Variants in NLRP5 observed in about 807,000 individuals in gnomAD.
NLRP5 encodes NLR family pyrin domain containing 5.
In NLRP5, 93 loss-of-function variants were observed where a neutral mutation model predicts 113.1. The observed-to-expected ratio is 0.82, with a 90% CI of 0.70 to 0.98. The LOEUF (loss-of-function observed/expected upper bound fraction) is 0.98, where lower values mean the gene tolerates loss of function less well. NLRP5 is among the 50% of genes least tolerant of loss of function. The pLI, the probability that NLRP5 is intolerant of heterozygous loss-of-function variation, is 0.00. For synonymous variants in NLRP5, 751 were observed against 600.7 expected (o/e 1.25, Z -3.66); for missense variants, 1,808 against 1,514.3 (o/e 1.19, Z -3.22).
intron 3 of NLRP5, 62 bp downstream of exon 3, chr19:56,008,915 A>C (rs1383820424): frequency 7.1e-7 from 1 of 1,400,318 alleles, no homozygotes; most frequent in Non-Finnish European, 1.0e-6. Flanking sequence ...GCCAGTTTGC[A>C]TCTCTAGGCA....
At position 56,053,635 on chromosome 19, in the gene NLRP5, CA is replaced by C; in HGVS notation, c.3129-2del. ...GACTCTCTCTATTCCCCGCCTCTTG[CA>C]GGTTGGTAAAGTGTCATCTCACCGC... On this transcript the variant is annotated splice_acceptor_variant, in intron 12 of 14. Transcript: ENST00000390649. LOFTEE classifies it high-confidence loss of function. The C allele has an allele frequency of 6.2e-7, 1 of 1,611,698 alleles. No homozygotes were observed. Among genetic ancestry groups the C allele is most frequent in the Non-Finnish European group, 8.5e-7 (1 of 1,178,468 alleles).
Position 56,028,270 on chromosome 19 carries a change from C to T in NLRP5, c.2037C>T (p.Thr679=). The T allele has an allele frequency of 6.2e-7, 1 of 1,613,992 alleles. No homozygotes were observed. The highest frequency in any genetic ancestry group is 1.1e-5 in the South Asian group (1 of 91,082). The change falls in exon 7 of 15, where the codon ACC becomes ACT. Residue 679 remains threonine (T), a synonymous_variant. Transcript: ENST00000390649. ...TGTTGGGTCAGCAGCCTAATGCCAC[C>T]ACCCCAGGAGACACCCTGGACGCCT...
At chr19:55,998,694 ATATATATATG>A (rs1568478206), upstream of NLRP5, among the ~76,000 whole-genome samples, 2 of 58,050 alleles carry the variant, frequency 3.4e-5, no homozygotes, top group Admixed American at 1.9e-4. Flanking sequence ...ATATATATAT[ATATATATATG>A]TGTGTGTGTG....
chr19:56,042,690 C>T (rs1983566287), intron 11 of NLRP5, among the ~76,000 whole-genome samples: 1 of 152,154 alleles, frequency 6.6e-6, no homozygotes, highest in Admixed American at 6.6e-5. Context: ...TATTTTGGTG[C>T]ACCCATCACT....
At chr19:56,009,160 G>C (rs1156845381) in intron 3 of NLRP5, among the ~76,000 whole-genome samples, 2 of 151,668 alleles carry the variant, frequency 1.3e-5, no homozygotes, top group East Asian at 3.9e-4. Flanking sequence ...CCAACATGGT[G>C]AAACGTCGTC....
intron 3 of NLRP5, 121 bp downstream of exon 3, chr19:56,008,974 C>T: frequency 2.5e-6 from 2 of 815,772 alleles, no homozygotes; most frequent in East Asian, 5.3e-5. Context: ...GTCTAACTAC[C>T]CTACATTAGC....
Position 56,028,298 on chromosome 19 carries a change from C to T in NLRP5, c.2065C>T (p.His689Tyr). The change falls in exon 7 of 15, where the codon CAC (histidine) becomes TAC (tyrosine). Residue 689 changes from histidine (H) to tyrosine (Y), a missense_variant. By Grantham distance (83) the His-to-Tyr change is moderately conservative. Transcript: ENST00000390649. ...CCCAGGAGACACCCTGGACGCCTTC[C>T]ACTGTCTTTTCGAGACTCAAGACAA... 2 of 1,613,994 alleles carry T rather than the reference C, an allele frequency of 1.2e-6. No homozygotes were observed. The highest frequency in any genetic ancestry group is 1.7e-6 in the Non-Finnish European group (2 of 1,179,886).
intron 7 of NLRP5, 133 bp from the exon 8 acceptor site, chr19:56,032,478 A>G (rs2163828): frequency 1.5e-6 from 1 of 646,862 alleles, no homozygotes; most frequent in African/African-American, 1.8e-5. Flanking sequence ...GGCAGCCGCT[A>G]AGTTGCCTCA....
At chr19:56,041,536 C>T (rs79202553) in intron 11 of NLRP5, among the ~76,000 whole-genome samples, 11,772 of 152,210 alleles carry the variant, frequency 0.077, 511 homozygotes, top group Non-Finnish European at 0.096. Flanking sequence ...ACATGACCAA[C>T]GGCACCGTGA....
intron 7 of NLRP5, 122 bp downstream of exon 7, chr19:56,028,631 C>A: frequency 1.1e-6 from 1 of 952,064 alleles, no homozygotes; most frequent in Non-Finnish European, 1.6e-6. Flanking sequence ...ATGAATGGCC[C>A]AGATGACGTC....
At position 56,027,920 on chromosome 19, in the gene NLRP5, GCT is replaced by G. The variant is rs772140272; in HGVS notation, c.1690_1691del (p.Leu564ValfsTer13). The stretch of plus-strand genomic sequence containing the variant: ...AGGACTCGGGGAGTCTGAGCTCCGT[GCT>G]CTGTTTCACATGAACATCCTTCTCC... On this transcript the variant is annotated frameshift_variant, in exon 7 of 15. Transcript: ENST00000390649. LOFTEE classifies it high-confidence loss of function. 1 of 1,613,850 alleles carries G rather than the reference GCT, an allele frequency of 6.2e-7. No individual in the cohort carries two copies. The highest frequency in any genetic ancestry group is 1.7e-5 in the Admixed American group (1 of 59,986).
At chr19:56,012,309 C>T (rs1020917658) in intron 3 of NLRP5, among the ~76,000 whole-genome samples, 6 of 152,030 alleles carry the variant, frequency 3.9e-5, no homozygotes, top group South Asian at 4.2e-4. Flanking sequence ...CCACCATGTC[C>T]GGCTAATTTT....
rs373455165 is a variant in NLRP5 at position 56,008,861 on chromosome 19, G to T, written c.508+8G>T. The T allele has an allele frequency of 1.2e-6, 2 of 1,610,502 alleles. No individual in the cohort carries two copies. The highest frequency in any genetic ancestry group is 1.3e-5 in the African/African-American group (1 of 74,998). On this transcript the variant is annotated splice_region_variant and intron_variant, in intron 3 of 14. Transcript: ENST00000390649. ...GCAAGGAAAAAGTGCCAGGTTAGAG[G>T]GGTGGAGTTGGGGGAAATAGGATGT...
rs8109245 is a variant in NLRP5, at chr19:56,057,536, A to G, written c.3300-704A>G. ...TTTTTTTATATCAATGCATATGTCA[A>G]TATGTCCTTCCGCCTTCTCACCTTT... On this transcript the variant is annotated intron_variant, in intron 13 of 14. Coordinates refer to ENST00000390649, the MANE Select transcript of NLRP5 (RefSeq NM_153447.4). Among the ~76,000 whole-genome samples the G allele has an allele frequency of 9.3e-3, 1,421 of 152,064 alleles. 31 individuals carry two copies. The highest frequency in any genetic ancestry group is 0.032 in the African/African-American group (1,345 of 41,494).
upstream of NLRP5, among the ~76,000 whole-genome samples, chr19:55,999,212 CTTTTTTTTT>C (rs906346601): frequency 2.7e-5 from 3 of 111,714 alleles, no homozygotes; most frequent in African/African-American, 1.0e-4. Flanking sequence ...TTTTCTTTTT[CTTTTTTTTT>C]TTTTTTTTTG....
chr19:56,000,387 C>T (rs1255789945), intron 1 of NLRP5, among the ~76,000 whole-genome samples: 3 of 151,870 alleles, frequency 2.0e-5, no homozygotes, highest in African/African-American at 7.3e-5. Context: ...TTTTTTAAGA[C>T]AGAGTCTCAT....
intron 6 of NLRP5, among the ~76,000 whole-genome samples, chr19:56,022,850 G>A (rs1404714020): frequency 1.3e-5 from 2 of 152,046 alleles, no homozygotes; most frequent in East Asian, 3.9e-4. Context: ...TCAGCCTCCC[G>A]AGTAGCTGGG....
chr19:56,042,201 A>G (rs967211171), intron 11 of NLRP5, among the ~76,000 whole-genome samples: 2 of 152,258 alleles, frequency 1.3e-5, no homozygotes, highest in Non-Finnish European at 2.9e-5. Flanking sequence ...GAAAATTCAC[A>G]AATACAGAAT....
chr19:56,038,031 T>C lies in NLRP5; in HGVS notation c.2622T>C (p.Asp874=). The C allele has an allele frequency of 6.2e-7, 1 of 1,613,966 alleles. No homozygotes were observed. Among genetic ancestry groups the C allele is most frequent in the Non-Finnish European group, 8.5e-7 (1 of 1,179,872 alleles). ...ATGCTGCCTGTCTCTGCAGGCTGGA[T>C]TGCTGTGGATTGACCCATGCCTGTT... The change falls in exon 10 of 15, where the codon GAT becomes GAC. Residue 874 remains aspartate (D), a synonymous_variant. Transcript: ENST00000390649.
Sources: allele counts gnomAD v4.1 joint callset (sites outside exome capture counted in the v4.1 genomes callset), GRCh38; gene constraint gnomAD v4.1.1; transcripts MANE v1.5; gene names NCBI Gene and HGNC (gene_info 2026-07-23, HGNC 2026-07-21).